Variants in MRC2 observed in about 807,000 individuals in gnomAD.
The protein encoded by MRC2 is mannose receptor C-type 2, also known as C-type mannose receptor 2.
Under a neutral mutation model 206.2 loss-of-function variants are expected in MRC2, and 84 were observed. The observed-to-expected ratio is 0.41, with a 90% CI of 0.34 to 0.49. MRC2 has a LOEUF of 0.49. MRC2 is among the 20% of genes least tolerant of loss of function. The pLI is 0.31. For missense variants in MRC2, 1,676 were observed against 2,001.5 expected (o/e 0.84, Z 3.10); for synonymous variants, 798 against 800.0 (o/e 1.00, Z 0.04).
chr17:62,686,886 G>A (rs1054186731), intron 20 of MRC2, among the ~76,000 whole-genome samples: 3 of 152,118 alleles, frequency 2.0e-5, no homozygotes, highest in Non-Finnish European at 4.4e-5. Flanking sequence ...CATTATTTCT[G>A]GGCTTACAAT....
intron 6 of MRC2, among the ~76,000 whole-genome samples, chr17:62,670,568 T>A (rs1009578121): frequency 1.3e-5 from 2 of 152,250 alleles, no homozygotes; most frequent in African/African-American, 2.4e-5. Flanking sequence ...AAGTCCTGTT[T>A]TCTCTTGCCA....
At chr17:62,637,791 TGTC>T (rs1242478271) in intron 1 of MRC2, among the ~76,000 whole-genome samples, 1 of 152,212 alleles carries the variant, frequency 6.6e-6, no homozygotes. Context: ...ATTTTACTGC[TGTC>T]GTCCCTCAAA....
intron 1 of MRC2, among the ~76,000 whole-genome samples, chr17:62,633,186 A>G (rs948170198): frequency 1.3e-5 from 2 of 152,292 alleles, no homozygotes; most frequent in African/African-American, 4.8e-5. Context: ...TTAGCAAACA[A>G]TACTAAATTA....
At chr17:62,640,917 T>C (rs918026189) in intron 1 of MRC2, among the ~76,000 whole-genome samples, 6 of 151,840 alleles carry the variant, frequency 4.0e-5, no homozygotes, top group African/African-American at 1.2e-4. Context: ...TTAGCCAGGA[T>C]GGTCTCGATC....
intron 20 of MRC2, among the ~76,000 whole-genome samples, chr17:62,682,804 G>A (rs1040255705): frequency 2.6e-5 from 4 of 151,836 alleles, no homozygotes; most frequent in Admixed American, 1.3e-4. Context: ...ACCACCCCTG[G>A]CTAATTTTTG....
intron 1 of MRC2, among the ~76,000 whole-genome samples, chr17:62,662,811 C>T (rs2088697099): frequency 6.6e-6 from 1 of 152,066 alleles, no homozygotes; most frequent in Non-Finnish European, 1.5e-5. Context: ...ACTCAGGAGG[C>T]TGAGGCAGAA....
At chr17:62,689,832 G>C (rs1254642021) in intron 24 of MRC2, 62 bp from the exon 25 acceptor site, 42 of 1,541,256 alleles carry the variant, frequency 2.7e-5, no homozygotes, top group Non-Finnish European at 2.1e-5. Flanking sequence ...TCCTGCCCCC[G>C]CCTTATCCGC....
At chr17:62,641,886 TCTCA>T (rs1042764754) in intron 1 of MRC2, among the ~76,000 whole-genome samples, 5 of 115,342 alleles carry the variant, frequency 4.3e-5, no homozygotes, top group Non-Finnish European at 7.2e-5. Flanking sequence ...CATTTGCTTA[TCTCA>T]CTCTCTGTGT....
chr17:62,642,185 C>A (rs1046912492), intron 1 of MRC2, among the ~76,000 whole-genome samples: 2 of 152,132 alleles, frequency 1.3e-5, no homozygotes, highest in African/African-American at 4.8e-5. Flanking sequence ...CTCCTTTAAT[C>A]TAGAATAGTT....
chr17:62,648,043 A>C (rs770100526), intron 1 of MRC2, among the ~76,000 whole-genome samples: 2 of 152,214 alleles, frequency 1.3e-5, no homozygotes, highest in Non-Finnish European at 2.9e-5. Context: ...ACTGGGACTC[A>C]AAGCCAGCTT....
intron 13 of MRC2, 27 bp from the exon 14 acceptor site, chr17:62,679,773 C>G (rs928171521): frequency 3.7e-6 from 6 of 1,607,652 alleles, no homozygotes; most frequent in Non-Finnish European, 5.1e-6. Context: ...CCATCTCTTC[C>G]GTCCCCACTC....
At position 62,667,569 on chromosome 17, in the gene MRC2, CT is replaced by C; in HGVS notation, c.1117+37del. 6.4e-7 allele frequency: 1 copy of C among 1,573,598 alleles called. No individual in the cohort carries two copies. The highest frequency in any genetic ancestry group is 8.6e-7 in the Non-Finnish European group (1 of 1,168,382). On this transcript the variant is annotated intron_variant, in intron 6 of 29. Coordinates refer to ENST00000303375, the MANE Select transcript of MRC2 (RefSeq NM_006039.5). The surrounding 1 kb of genome is among the most constrained non-coding windows in gnomAD (Gnocchi z 4.1). ...GACTGTGCCGCAGGGTGGGGAGGGGCTCCCAGGGCCAGGGACACAGCCACAG... is the reference window on the plus strand; with the variant it reads ...GACTGTGCCGCAGGGTGGGGAGGGGCCCCAGGGCCAGGGACACAGCCACAG...
In MRC2 at chr17:62,672,135, G is replaced by GTC. The variant is rs1463798402; in HGVS notation, c.1445_1446dup (p.Thr483SerfsTer29). 1 of 1,614,074 alleles carries GTC rather than the reference G, an allele frequency of 6.2e-7. No homozygotes were observed. Among genetic ancestry groups the GTC allele is most frequent in the Non-Finnish European group, 8.5e-7 (1 of 1,180,040 alleles). Reference sequence around the variant, plus strand: ...CTTCCGGGACAGTCTGGAGGACTGTGTCACCATCTGGGGCCCGGTGAGATC... The same window carrying GTC: ...CTTCCGGGACAGTCTGGAGGACTGTGTCTCACCATCTGGGGCCCGGTGAGATC... On this transcript the variant is annotated frameshift_variant, in exon 8 of 30. Coordinates refer to ENST00000303375, the MANE Select transcript of MRC2 (RefSeq NM_006039.5). LOFTEE classifies it high-confidence loss of function. The surrounding 1 kb of genome is among the most constrained non-coding windows in gnomAD (Gnocchi z 4.5).
rs1004478610 is a variant in MRC2 at position 62,640,940 on chromosome 17, G to T, written c.118+13020G>T. Among the ~76,000 whole-genome samples the T allele has an allele frequency of 2.6e-5, 4 of 151,542 alleles. No individual in the cohort carries two copies. The East Asian group carries it at 7.7e-4, about 29-fold the overall frequency. On this transcript the variant is annotated intron_variant, in intron 1 of 29. Coordinates refer to ENST00000303375, the MANE Select transcript of MRC2 (RefSeq NM_006039.5). ...GATGGTCTCGATCTCCTGACCTCATGATCCACCCGCCTCAGCCTCAGCCTC... is the reference window on the plus strand; with the variant it reads ...GATGGTCTCGATCTCCTGACCTCATTATCCACCCGCCTCAGCCTCAGCCTC...
chr17:62,678,760 G>A (rs902723442), intron 13 of MRC2, 114 bp downstream of exon 13: 2 of 1,460,158 alleles, frequency 1.4e-6, no homozygotes, highest in Admixed American at 2.4e-5. Flanking sequence ...GAATGTGGGT[G>A]ACCCCAGGGA....
chr17:62,677,560 A>G, intron 12 of MRC2, 74 bp downstream of exon 12: 1 of 1,331,542 alleles, frequency 7.5e-7, no homozygotes. Flanking sequence ...TGGAGGTCCC[A>G]GTGGGACCAG....
In MRC2 at chr17:62,671,979, T is replaced by A; in HGVS notation, c.1307-19T>A. ...CCTCTCAATGTTTTCTCTCCCCTCC[T>A]CTCCTGCTGCACCCCCAGAGGTGGA... is the stretch of plus-strand genomic sequence containing the variant. On this transcript the variant is annotated intron_variant, in intron 7 of 29. Coordinates refer to ENST00000303375, the MANE Select transcript of MRC2 (RefSeq NM_006039.5). This position sits in a 1 kb window ranked among gnomAD's most constrained non-coding sequence, Gnocchi z 4.5. 6.2e-7 allele frequency: 1 copy of A among 1,613,948 alleles called. No homozygotes were observed. The highest frequency in any genetic ancestry group is 8.5e-7 in the Non-Finnish European group (1 of 1,179,974).
At chr17:62,670,416 C>G (rs1056639835) in intron 6 of MRC2, among the ~76,000 whole-genome samples, 1 of 152,232 alleles carries the variant, frequency 6.6e-6, no homozygotes. Flanking sequence ...GCTCTCAGTC[C>G]GCCCAGCTTT....
At position 62,672,118 on chromosome 17, in the gene MRC2, A is replaced by G. The variant is rs750360010; in HGVS notation, c.1427A>G (p.Asp476Gly). 16 of 1,613,936 alleles carry G rather than the reference A, an allele frequency of 9.9e-6. No individual in the cohort carries two copies. In the Admixed American group the frequency reaches 2.7e-4, roughly 27 times the overall value. Residue 476 changes from aspartate (D) to glycine (G), a missense_variant, in exon 8 of 30, where the codon GAC (aspartate) becomes GGC (glycine). Physicochemically the swap from Asp to Gly is moderately conservative, Grantham distance 94. Transcript: ENST00000303375. This position sits in a 1 kb window ranked among gnomAD's most constrained non-coding sequence, Gnocchi z 4.5. ...WHPFEPNNFR[D>G]SLEDCVTIWG... ...CCCTTTGAGCCCAACAACTTCCGGG[A>G]CAGTCTGGAGGACTGTGTCACCATC... is the stretch of plus-strand genomic sequence containing the variant.
Sources: gnomAD v4.1 joint callset for allele counts (sites outside exome capture counted in the v4.1 genomes callset) on GRCh38, gnomAD v4.1.1 for gene constraint, Gnocchi (gnomAD v3.1) non-coding constraint, MANE v1.5 for transcripts, NCBI Gene and HGNC (gene_info 2026-07-23, HGNC 2026-07-21) for gene names.